CYP7B1: variants seen among roughly 807,000 people sequenced by gnomAD.
The protein encoded by CYP7B1 is cytochrome P450 family 7 subfamily B member 1.
In CYP7B1, 29 loss-of-function variants were observed where a neutral mutation model predicts 42.7. That is an observed-to-expected ratio of 0.68 (90% CI 0.51 to 0.93). The LOEUF is 0.93. Ranked by LOEUF, CYP7B1 falls within the 40% of genes least tolerant of loss-of-function variation. The pLI, the probability that CYP7B1 is intolerant of heterozygous loss-of-function variation, is 0.00. For missense variants in CYP7B1, 655 were observed against 600.5 expected (o/e 1.09, Z -0.95); for synonymous variants, 235 against 218.2 (o/e 1.08, Z -0.68).
chr8:64,796,146 T>C (rs1804699431), intron 1 of CYP7B1, among the ~76,000 whole-genome samples: 1 of 152,232 alleles, frequency 6.6e-6, no homozygotes, highest in African/African-American at 2.4e-5. Context: ...AATGGAAAAC[T>C]GTGCTGAATA....
At chr8:64,635,250 C>T (rs1242477122) in intron 1 of CYP7B1, among the ~76,000 whole-genome samples, 2 of 152,230 alleles carry the variant, frequency 1.3e-5, no homozygotes, top group African/African-American at 4.8e-5. Flanking sequence ...TTATGCAATT[C>T]ATTACCCCAA....
intron 1 of CYP7B1, among the ~76,000 whole-genome samples, chr8:64,713,933 C>A (rs117165091): frequency 3.9e-5 from 6 of 152,300 alleles, no homozygotes; most frequent in Non-Finnish European, 8.8e-5. Context: ...AAACATCTAT[C>A]TTATGTCAAG....
chr8:64,782,865 C>T (rs192183609), intron 1 of CYP7B1, among the ~76,000 whole-genome samples: 15 of 152,198 alleles, frequency 9.9e-5, no homozygotes, highest in Admixed American at 5.9e-4. Flanking sequence ...GTTTTTATTA[C>T]ACAATGAGAA....
At chr8:64,771,270 C>T (rs934272348) in intron 1 of CYP7B1, among the ~76,000 whole-genome samples, 5 of 151,568 alleles carry the variant, frequency 3.3e-5, no homozygotes, top group African/African-American at 1.2e-4. Flanking sequence ...CCATGTTAGC[C>T]AGGATGGTCT....
At chr8:64,599,885 A>G (rs149016941) in intron 5 of CYP7B1, among the ~76,000 whole-genome samples, 1 of 152,350 alleles carries the variant, frequency 6.6e-6, no homozygotes, top group East Asian at 1.9e-4. Context: ...AACTGCTATC[A>G]GGCTAAAGAC....
chr8:64,593,235 GTGTGTGTGTGTGTGTGT>G lies in CYP7B1; in HGVS notation c.*3390_*3406del, dbSNP rs1805064524. On this transcript the variant is annotated 3_prime_UTR_variant, in exon 6 of 6. Transcript: ENST00000310193. ...TGGACTAAAGGCTAGGGCCCAGGGTGTGTGTGTGTGTGTGTGTGTGTGTGTGTGTGTGTGTGTGTGTG... is the reference window on the plus strand; with the variant it reads ...TGGACTAAAGGCTAGGGCCCAGGGTGGTGTGTGTGTGTGTGTGTGTGTGTG... 2.1e-4 allele frequency among the ~76,000 whole-genome samples: 11 copies of G among 51,666 alleles called. No homozygotes were observed. Among genetic ancestry groups the G allele is most frequent in the Non-Finnish European group, 3.0e-4 (10 of 33,386 alleles). 33.9% of individuals were successfully genotyped at this position (51,666 alleles called of 152,430 possible). A position where few individuals can be genotyped will look rare whatever the true frequency, so the allele number is the denominator to read the frequency against.
chr8:64,670,832 T>G (rs1806355319), intron 1 of CYP7B1, among the ~76,000 whole-genome samples: 1 of 152,128 alleles, frequency 6.6e-6, no homozygotes, highest in African/African-American at 2.4e-5. Context: ...TGCTCATCCC[T>G]TCCTTTCACA....
intron 5 of CYP7B1, among the ~76,000 whole-genome samples, chr8:64,602,262 G>T (rs554502163): frequency 6.6e-6 from 1 of 152,282 alleles, no homozygotes; most frequent in East Asian, 1.9e-4. Flanking sequence ...AATTCTCTGA[G>T]GAATGAGGTG....
chr8:64,740,125 TTCCTC>T (rs1807547031), intron 1 of CYP7B1, among the ~76,000 whole-genome samples: 1 of 152,008 alleles, frequency 6.6e-6, no homozygotes, highest in Admixed American at 6.6e-5. Flanking sequence ...AAAATAAACA[TTCCTC>T]TCAAGCTTAC....
chr8:64,655,893 C>T (rs1388951473), intron 1 of CYP7B1, among the ~76,000 whole-genome samples: 1 of 152,138 alleles, frequency 6.6e-6, no homozygotes, highest in East Asian at 1.9e-4. Flanking sequence ...TTACCCTTAG[C>T]AAACTAACGC....
chr8:64,685,011 T>C (rs1353953998), intron 1 of CYP7B1, among the ~76,000 whole-genome samples: 1 of 152,224 alleles, frequency 6.6e-6, no homozygotes, highest in Non-Finnish European at 1.5e-5. Flanking sequence ...TAAAACAGTC[T>C]GCCAGATCCT....
intron 1 of CYP7B1, among the ~76,000 whole-genome samples, chr8:64,742,209 A>C (rs965366899): frequency 6.6e-6 from 1 of 151,750 alleles, no homozygotes; most frequent in African/African-American, 2.4e-5. Flanking sequence ...TAGTTAATGT[A>C]AATACTGAAA....
At chr8:64,671,621 G>T (rs546892030) in intron 1 of CYP7B1, among the ~76,000 whole-genome samples, 1 of 152,262 alleles carries the variant, frequency 6.6e-6, no homozygotes, top group South Asian at 2.1e-4. Context: ...TTGCCTGAGA[G>T]TGCCTAGCTG....
At chr8:64,665,245 G>A (rs941534356) in intron 1 of CYP7B1, among the ~76,000 whole-genome samples, 1 of 152,138 alleles carries the variant, frequency 6.6e-6, no homozygotes. Flanking sequence ...GGTGGGAGGA[G>A]ATAAAGTAAG....
chr8:64,750,266 A>G (rs1047055417), intron 1 of CYP7B1, among the ~76,000 whole-genome samples: 5 of 152,154 alleles, frequency 3.3e-5, no homozygotes, highest in African/African-American at 1.2e-4. Flanking sequence ...CCTTTACCTC[A>G]CTTTAAAGAG....
At chr8:64,615,592 A>G in intron 3 of CYP7B1, 99 bp downstream of exon 3, 1 of 1,116,678 alleles carries the variant, frequency 9.0e-7, no homozygotes, top group Non-Finnish European at 1.4e-6. Context: ...AATTAGAAAG[A>G]GCATAAAAAA....
chr8:64,768,310 C>T (rs1804143410), intron 1 of CYP7B1, among the ~76,000 whole-genome samples: 1 of 151,832 alleles, frequency 6.6e-6, no homozygotes, highest in Non-Finnish European at 1.5e-5. Flanking sequence ...CTCTGGGTCC[C>T]TTCCCATTGT....
intron 1 of CYP7B1, among the ~76,000 whole-genome samples, chr8:64,729,633 T>A (rs1047685383): frequency 2.6e-5 from 4 of 152,164 alleles, no homozygotes; most frequent in African/African-American, 4.8e-5. Context: ...AAGCGTGAGA[T>A]TTTTTCCCTT....
chr8:64,710,076 C>A (rs1807058888), intron 1 of CYP7B1, among the ~76,000 whole-genome samples: 1 of 152,214 alleles, frequency 6.6e-6, no homozygotes, highest in South Asian at 2.1e-4. Flanking sequence ...AGTAGAGAGT[C>A]ACAGCAGATT....
Sources: gnomAD v4.1 joint callset for allele counts (sites outside exome capture counted in the v4.1 genomes callset) on GRCh38, gnomAD v4.1.1 for gene constraint, MANE v1.5 for transcripts, NCBI Gene and HGNC (gene_info 2026-07-23, HGNC 2026-07-21) for gene names.